The following TMEM132D variants were observed in gnomAD, a reference collection of about 807,000 sequenced individuals.
TMEM132D encodes the protein transmembrane protein 132D.
A neutral mutation model predicts 62.3 loss-of-function variants in TMEM132D; 21 were observed. The observed-to-expected ratio is 0.34, with a 90% CI of 0.24 to 0.49. The LOEUF is 0.49. Ranked by LOEUF, TMEM132D falls within the 20% of genes least tolerant of loss-of-function variation. The pLI is 0.99. For missense variants in TMEM132D, 1,346 were observed against 1,402.8 expected, an observed-to-expected ratio of 0.96 and a Z score of 0.65; for synonymous variants, 621 against 575.6, an observed-to-expected ratio of 1.08 and a Z score of -1.13.
intron 2 of TMEM132D, among the ~76,000 whole-genome samples, chr12:129,676,642 T>G (rs1361595404): frequency 6.6e-6 from 1 of 152,166 alleles, no homozygotes; most frequent in Non-Finnish European, 1.5e-5. Context: ...CACTTATTAC[T>G]GCGGGGAGGG....
intron 4 of TMEM132D, among the ~76,000 whole-genome samples, chr12:129,293,072 A>G (rs139444306): frequency 1.3e-5 from 2 of 152,296 alleles, no homozygotes; most frequent in East Asian, 3.9e-4. Context: ...GGGTATCCAG[A>G]GAGAGAAATT....
intron 3 of TMEM132D, among the ~76,000 whole-genome samples, chr12:129,526,794 T>A (rs547986664): frequency 6.6e-6 from 1 of 152,338 alleles, no homozygotes; most frequent in Admixed American, 6.5e-5. Context: ...CTGTCTTTTC[T>A]TTTGCCTGCA....
chr12:129,730,420 G>A (rs940887172), intron 1 of TMEM132D, among the ~76,000 whole-genome samples: 2 of 152,108 alleles, frequency 1.3e-5, no homozygotes, highest in African/African-American at 4.8e-5. Context: ...TGTTTCAATT[G>A]GTTAAGAGCT....
chr12:129,844,962 A>G (rs1227499555), intron 1 of TMEM132D, among the ~76,000 whole-genome samples: 1 of 152,170 alleles, frequency 6.6e-6, no homozygotes. Context: ...TAATCAGCTG[A>G]CATTTCTACT....
intron 3 of TMEM132D, among the ~76,000 whole-genome samples, chr12:129,497,499 C>A (rs914268390): frequency 5.9e-5 from 9 of 152,036 alleles, no homozygotes; most frequent in African/African-American, 2.2e-4. Context: ...CTGCTGACCT[C>A]CAGGCACAGC....
At chr12:129,156,616 A>G (rs1219672319) in intron 5 of TMEM132D, among the ~76,000 whole-genome samples, 1 of 152,170 alleles carries the variant, frequency 6.6e-6, no homozygotes, top group Non-Finnish European at 1.5e-5. Context: ...TCCACTCCCA[A>G]AAGTAACCAG....
At chr12:129,595,434 G>C (rs1176406483) in intron 2 of TMEM132D, among the ~76,000 whole-genome samples, 1 of 152,204 alleles carries the variant, frequency 6.6e-6, no homozygotes, top group East Asian at 1.9e-4. Flanking sequence ...GAGAGAAGAG[G>C]TGTCGTAGCT....
At chr12:129,372,910 G>T (rs1870659005) in intron 3 of TMEM132D, among the ~76,000 whole-genome samples, 1 of 152,074 alleles carries the variant, frequency 6.6e-6, no homozygotes, top group Admixed American at 6.6e-5. Context: ...AAACTCCACT[G>T]GTCTGTGGAA....
At position 129,516,549 on chromosome 12, in the gene TMEM132D, G is replaced by A. The variant is rs59141582; in HGVS notation, c.1115+14510C>T. Among the ~76,000 whole-genome samples the A allele has an allele frequency of 4.5e-4, 68 of 152,258 alleles. 1 individual carries two copies. Among genetic ancestry groups the A allele is most frequent in the African/African-American group, 1.4e-3 (60 of 41,558 alleles). On this transcript the variant is annotated intron_variant, in intron 3 of 8. Coordinates refer to ENST00000422113, the MANE Select transcript of TMEM132D (RefSeq NM_133448.3). ...TCCCCTTATAATACCATCAGATCTC[G>A]TGAGACTTATTCACTACCATGAGAA...
chr12:129,828,712 A>G (rs1341944961), intron 1 of TMEM132D, among the ~76,000 whole-genome samples: 4 of 14,928 alleles, frequency 2.7e-4, no homozygotes, highest in Admixed American at 2.0e-3. Context: ...AGGGAGAAGG[A>G]AGGGAGGAAA....
intron 1 of TMEM132D, among the ~76,000 whole-genome samples, chr12:129,886,634 G>A (rs183922924): frequency 2.0e-5 from 3 of 152,112 alleles, no homozygotes; most frequent in Non-Finnish European, 4.4e-5. Flanking sequence ...GCCATGCATC[G>A]CCAGGGCCAG....
chr12:129,418,963 G>A (rs1481084018), intron 3 of TMEM132D, among the ~76,000 whole-genome samples: 8 of 152,102 alleles, frequency 5.3e-5, no homozygotes, highest in Non-Finnish European at 1.2e-4. Context: ...CAGGCCAAGG[G>A]CTGCCCCACC....
chr12:129,581,456 C>T (rs925667285), intron 2 of TMEM132D, among the ~76,000 whole-genome samples: 1 of 152,198 alleles, frequency 6.6e-6, no homozygotes, highest in African/African-American at 2.4e-5. Context: ...CAGTCTGAGT[C>T]CCAAAACCTG....
At chr12:129,684,138 T>C (rs946962655) in intron 2 of TMEM132D, among the ~76,000 whole-genome samples, 13 of 151,412 alleles carry the variant, frequency 8.6e-5, no homozygotes, top group Admixed American at 5.2e-4. Context: ...ATAAATTCCA[T>C]TTAAACAAAA....
At chr12:129,119,408 T>C (rs1593267637) in intron 5 of TMEM132D, among the ~76,000 whole-genome samples, 1 of 152,152 alleles carries the variant, frequency 6.6e-6, no homozygotes, top group East Asian at 1.9e-4. Context: ...ATTAGAAATC[T>C]AGTGCGTATG....
At chr12:129,527,018 T>C (rs1185483424) in intron 3 of TMEM132D, among the ~76,000 whole-genome samples, 2 of 152,138 alleles carry the variant, frequency 1.3e-5, no homozygotes, top group African/African-American at 4.8e-5. Context: ...CAGAAAACAA[T>C]CTATTTAAGG....
chr12:129,770,081 T>C lies in TMEM132D; in HGVS notation c.80-69383A>G, dbSNP rs368399047. ...GCAATCCTCCCACTTCCCAAAATGC[T>C]AGAAATAAAGGTGTGAGCCACTGCA... On this transcript the variant is annotated intron_variant, in intron 1 of 8. Coordinates refer to ENST00000422113, the MANE Select transcript of TMEM132D (RefSeq NM_133448.3). Among the ~76,000 whole-genome samples the C allele has an allele frequency of 1.5e-4, 22 of 151,034 alleles. No individual in the cohort carries two copies. The South Asian group carries it at 2.5e-3, about 17-fold the overall frequency.
Position 129,371,096 on chromosome 12 carries a change from C to T in TMEM132D, c.1116-33279G>A, listed in dbSNP as rs148637328. On this transcript the variant is annotated intron_variant, in intron 3 of 8. Coordinates refer to ENST00000422113, the MANE Select transcript of TMEM132D (RefSeq NM_133448.3). This position sits in a 1 kb window ranked among gnomAD's most constrained non-coding sequence, Gnocchi z 4.3. ...TGTGATAGACCCAATTACCTTGATT[C>T]GATCATTATATTGTTGTAGGTACCA... Among the ~76,000 whole-genome samples the T allele has an allele frequency of 2.7e-3, 408 of 152,222 alleles. 3 individuals are homozygous for T. The highest frequency in any genetic ancestry group is 9.1e-3 in the African/African-American group (380 of 41,534).
chr12:129,074,965 G>T lies in TMEM132D; in HGVS notation c.2210C>A (p.Ser737Tyr). 6.2e-7 allele frequency: 1 copy of T among 1,614,066 alleles called. No homozygotes were observed. The highest frequency in any genetic ancestry group is 8.5e-7 in the Non-Finnish European group (1 of 1,180,018). Residue 737 changes from serine (S) to tyrosine (Y), a missense_variant, in exon 9 of 9, where the codon TCT (serine) becomes TAT (tyrosine). Coordinates refer to ENST00000422113, the MANE Select transcript of TMEM132D (RefSeq NM_133448.3). ...GATGGAGACTACCTTCTCATCCAAA[G>T]ATGTGGCCATCAAGGAGAAGTCTTT... ...DGKDFSLMAT[S>Y]LDEKVVSIHQ...
Sources: allele counts gnomAD v4.1 joint callset (sites outside exome capture counted in the v4.1 genomes callset), GRCh38; gene constraint gnomAD v4.1.1; non-coding constraint Gnocchi (gnomAD v3.1); transcripts MANE v1.5; gene names NCBI Gene and HGNC (gene_info 2026-07-23, HGNC 2026-07-21).